PRDM1: variants seen among roughly 807,000 people sequenced by gnomAD.
The protein encoded by PRDM1 is PR domain zinc finger protein 1.
In PRDM1, 13 loss-of-function variants were observed where a neutral mutation model predicts 62.8. That is an observed-to-expected ratio of 0.21 (90% CI 0.13 to 0.33). PRDM1 has a LOEUF of 0.33. Among genes scored for constraint, PRDM1 ranks in the 10% least tolerant of loss-of-function variants. The probability of loss-of-function intolerance (pLI) is 1.00; values close to 1 mark genes in which losing one functional copy is unlikely to be tolerated. For missense variants in PRDM1, 895 were observed against 1,058.8 expected, an observed-to-expected ratio of 0.85 and a Z score of 2.15; for synonymous variants, 396 against 417.6, an observed-to-expected ratio of 0.95 and a Z score of 0.63.
At chr6:106,070,202 AT>A (rs1490735477) in intron 1 of PRDM1, among the ~76,000 whole-genome samples, 5 of 152,206 alleles carry the variant, frequency 3.3e-5, no homozygotes, top group Admixed American at 3.3e-4. Context: ...ATTAAGACTA[AT>A]TAGAGGAATA....
In PRDM1 at chr6:106,006,187, A is replaced by G. The variant is rs542334533; in HGVS notation, c.-67+12548A>G. 3.3e-5 allele frequency among the ~76,000 whole-genome samples: 5 copies of G among 152,338 alleles called. No individual in the cohort carries two copies. The East Asian group carries it at 7.7e-4, about 24-fold the overall frequency. ...TGAGGCAAACATGCTGCGTGTAAACACTTAATGCGTGTGTTCTAGCAGACT... is the reference window on the plus strand; with the variant it reads ...TGAGGCAAACATGCTGCGTGTAAACGCTTAATGCGTGTGTTCTAGCAGACT... On this transcript the variant is annotated intron_variant, in intron 1 of 6. Transcript: ENST00000652320.
chr6:106,072,233 A>G (rs1773530819), intron 1 of PRDM1: 1 of 152,258 alleles, frequency 6.6e-6, no homozygotes, highest in African/African-American at 2.4e-5. Flanking sequence ...AAAAGAGAAG[A>G]GAAGTAAGGA....
intron 1 of PRDM1, among the ~76,000 whole-genome samples, chr6:105,995,734 T>TA (rs144482526): frequency 0.043 from 6,585 of 152,256 alleles, 173 homozygotes; most frequent in Non-Finnish European, 0.058. Flanking sequence ...TTTTTTTTTT[T>TA]AATCAGTCAG....
At chr6:106,098,506 A>G (rs1253296901) in intron 3 of PRDM1, 16 of 1,223,386 alleles carry the variant, frequency 1.3e-5, no homozygotes, top group East Asian at 5.7e-5. Context: ...ACACACGCCT[A>G]TGGCTCTGTG....
chr6:106,055,279 A>T (rs1234605022), intron 1 of PRDM1, among the ~76,000 whole-genome samples: 1 of 152,152 alleles, frequency 6.6e-6, no homozygotes, highest in Non-Finnish European at 1.5e-5. Flanking sequence ...CTTTTACGGG[A>T]ATTTTTTTCT....
chr6:106,090,228 G>A (rs1582462362), intron 2 of PRDM1, among the ~76,000 whole-genome samples: 1 of 152,112 alleles, frequency 6.6e-6, no homozygotes, highest in Non-Finnish European at 1.5e-5. Flanking sequence ...ATATATTTCA[G>A]ACCAATCCTT....
intron 1 of PRDM1, 42 bp downstream of exon 1, chr6:106,086,637 C>T: frequency 6.7e-7 from 1 of 1,492,820 alleles, no homozygotes; most frequent in Non-Finnish European, 9.1e-7. Flanking sequence ...TGAAATTGAT[C>T]TGAAAACTTT....
At chr6:106,048,504 TA>T (rs776079586), upstream of PRDM1, among the ~76,000 whole-genome samples, 11 of 152,232 alleles carry the variant, frequency 7.2e-5, no homozygotes, top group Non-Finnish European at 1.5e-4. Flanking sequence ...GTTCTGTCCA[TA>T]CCTGTTCTGA....
At chr6:106,080,577 A>G (rs1773679155) in intron 1 of PRDM1, among the ~76,000 whole-genome samples, 1 of 152,240 alleles carries the variant, frequency 6.6e-6, no homozygotes, top group Non-Finnish European at 1.5e-5. Context: ...CCTGAATGCG[A>G]GAGCCAGGCA....
At position 106,096,772 on chromosome 6, in the gene PRDM1, G is replaced by C. The variant is rs542583907; in HGVS notation, c.411+1038G>C. Reference sequence around the variant, plus strand: ...TAAAACACTGGATTAGCAGTGAACAGAAAAAAGTCAGATTGCTTTCCTTCT... The same window carrying C: ...TAAAACACTGGATTAGCAGTGAACACAAAAAAGTCAGATTGCTTTCCTTCT... On this transcript the variant is annotated intron_variant, in intron 3 of 6. Transcript: ENST00000369096. Among the ~76,000 whole-genome samples, 5 of 152,270 alleles carry C rather than the reference G, an allele frequency of 3.3e-5. No homozygotes were observed. The East Asian group carries it at 9.6e-4, about 29-fold the overall frequency.
chr6:106,089,608 C>T (rs1382380881), intron 2 of PRDM1, among the ~76,000 whole-genome samples: 2 of 152,084 alleles, frequency 1.3e-5, no homozygotes, highest in Admixed American at 6.5e-5. Flanking sequence ...CCCACTGCTG[C>T]GTGAATGGAG....
chr6:105,996,808 T>C (rs1772354127), intron 1 of PRDM1, among the ~76,000 whole-genome samples: 1 of 152,214 alleles, frequency 6.6e-6, no homozygotes, highest in Non-Finnish European at 1.5e-5. Flanking sequence ...GTTACATCTT[T>C]TGACAGAGGG....
chr6:106,100,833 G>A (rs1217210656), intron 4 of PRDM1, among the ~76,000 whole-genome samples: 1 of 152,128 alleles, frequency 6.6e-6, no homozygotes, highest in East Asian at 1.9e-4. Context: ...TTACCCTTGA[G>A]CTTCAGGAAA....
At chr6:106,091,423 A>G (rs1194280467) in intron 2 of PRDM1, among the ~76,000 whole-genome samples, 1 of 152,192 alleles carries the variant, frequency 6.6e-6, no homozygotes, top group African/African-American at 2.4e-5. Context: ...TGTCTCCTTT[A>G]ATAGAAAGAT....
chr6:106,106,771 C>A lies in PRDM1; in HGVS notation c.1903-140C>A. 1 of 1,030,826 alleles carries A rather than the reference C, an allele frequency of 9.7e-7. No individual in the cohort carries two copies. The highest frequency in any genetic ancestry group is 1.4e-6 in the Non-Finnish European group (1 of 710,000). 63.9% of individuals were successfully genotyped at this position (1,030,826 alleles called of 1,614,324 possible). A position where few individuals can be genotyped will look rare whatever the true frequency, so the allele number is the denominator to read the frequency against. ...ACATCCCCCCGTTTGCTTAATACCA[C>A]ACTGGAGGTGCCACAAGGAGGCTTC... On this transcript the variant is annotated intron_variant, in intron 6 of 6. Transcript: ENST00000369096. This position sits in a 1 kb window ranked among gnomAD's most constrained non-coding sequence, Gnocchi z 4.4.
chr6:106,104,564 A>G (rs1774386696), intron 4 of PRDM1, among the ~76,000 whole-genome samples: 1 of 152,192 alleles, frequency 6.6e-6, no homozygotes, highest in Admixed American at 6.5e-5. Flanking sequence ...GGTCTGTACT[A>G]ATGAAAACAG....
intron 1 of PRDM1, among the ~76,000 whole-genome samples, chr6:106,075,334 G>A (rs564948979): frequency 2.2e-4 from 34 of 152,288 alleles, no homozygotes; most frequent in African/African-American, 8.2e-4. Context: ...TCTGGGAGCT[G>A]AAGTAATATT....
upstream of PRDM1, among the ~76,000 whole-genome samples, chr6:106,082,040 C>G (rs1047009618): frequency 6.6e-6 from 1 of 152,212 alleles, no homozygotes; most frequent in African/African-American, 2.4e-5. Context: ...GAGAAGCAAA[C>G]ATTTGACCCA....
intron 1 of PRDM1, among the ~76,000 whole-genome samples, chr6:106,053,968 A>G (rs1196748348): frequency 2.6e-5 from 4 of 152,166 alleles, no homozygotes; most frequent in Admixed American, 6.5e-5. Context: ...ACTTGTAAAA[A>G]GTCACAGAAT....
Sources: gnomAD v4.1 joint callset for allele counts (sites outside exome capture counted in the v4.1 genomes callset) on GRCh38, gnomAD v4.1.1 for gene constraint, Gnocchi (gnomAD v3.1) non-coding constraint, MANE v1.5 for transcripts, NCBI Gene and HGNC (gene_info 2026-07-23, HGNC 2026-07-21) for gene names.